MAP3K7: variants seen among roughly 807,000 people sequenced by gnomAD.
MAP3K7 encodes the protein TGF-beta activated kinase 1.
In MAP3K7, 21 loss-of-function variants were observed where a neutral mutation model predicts 84.8. The observed-to-expected ratio is 0.25, with a 90% CI of 0.18 to 0.36. MAP3K7 has a LOEUF of 0.36. MAP3K7 is among the 10% of genes least tolerant of loss of function. The probability of loss-of-function intolerance (pLI) is 1.00; values close to 1 mark genes in which losing one functional copy is unlikely to be tolerated. For synonymous variants in MAP3K7, 241 were observed against 247.7 expected, an observed-to-expected ratio of 0.97 and a Z score of 0.25; for missense variants, 503 against 747.7, an observed-to-expected ratio of 0.67 and a Z score of 3.82.
intron 12 of MAP3K7, among the ~76,000 whole-genome samples, chr6:90,540,409 A>C (rs1485536064): frequency 2.6e-5 from 4 of 151,914 alleles, no homozygotes; most frequent in Admixed American, 2.6e-4. Flanking sequence ...TGAACTAAGA[A>C]ATAAATTTAT....
At chr6:90,564,954 G>T (rs1419185292) in intron 3 of MAP3K7, among the ~76,000 whole-genome samples, 1 of 150,428 alleles carries the variant, frequency 6.6e-6, no homozygotes, top group Non-Finnish European at 1.5e-5. Context: ...CTGAACAATG[G>T]ACTACTGGGT....
intron 16 of MAP3K7, 107 bp from the exon 17 acceptor site, chr6:90,516,788 T>C: frequency 1.1e-6 from 1 of 905,580 alleles, no homozygotes; most frequent in Non-Finnish European, 1.7e-6. Context: ...GTTTATCATT[T>C]TGCATCTTAG....
chr6:90,556,495 T>G lies in MAP3K7; in HGVS notation c.607+5A>C. 1 of 1,610,240 alleles carries G rather than the reference T, an allele frequency of 6.2e-7. No homozygotes were observed. Among genetic ancestry groups the G allele is most frequent in the Non-Finnish European group, 8.5e-7 (1 of 1,178,834 alleles). On this transcript the variant is annotated splice_donor_5th_base_variant and intron_variant, in intron 6 of 16. Coordinates refer to ENST00000369329, the MANE Select transcript of MAP3K7 (RefSeq NM_145331.3). ...ATCAAACATACCATACTTTTGCCAT[T>G]TTACCTTCAAAAACTTCAGGTGCCA...
At chr6:90,517,935 T>C (rs1775020836) in intron 16 of MAP3K7, among the ~76,000 whole-genome samples, 1 of 151,764 alleles carries the variant, frequency 6.6e-6, no homozygotes, top group Non-Finnish European at 1.5e-5. Flanking sequence ...AAACTGAAGA[T>C]ACATACATAT....
chr6:90,552,166 T>C lies in MAP3K7; in HGVS notation c.750A>G (p.Pro250=). 1 of 1,609,908 alleles carries C rather than the reference T, an allele frequency of 6.2e-7. No individual in the cohort carries two copies. Among genetic ancestry groups the C allele is most frequent in the Non-Finnish European group, 8.5e-7 (1 of 1,176,764 alleles). The change falls in exon 8 of 17, where the codon CCA becomes CCG. Residue 250 remains proline, a synonymous_variant. Coordinates refer to ENST00000369329, the MANE Select transcript of MAP3K7 (RefSeq NM_145331.3). ...TGGGCTTAGGTAAATTTTTTATCAG[T>C]GGTGGTCGAGTACCTACAATTGAAA... ...MWAVHNGTRP[P]LIKNLPKPIE...
At position 90,516,497 on chromosome 6, in the gene MAP3K7, A is replaced by G. The variant is rs1447343177; in HGVS notation, c.*4T>C. ...ATATTTCAAAATGTAACGGTCCCAG[A>G]GAATCATGAAGTGCCTTGTCGTTTC... On this transcript the variant is annotated 3_prime_UTR_variant, in exon 17 of 17. Coordinates refer to ENST00000369329, the MANE Select transcript of MAP3K7 (RefSeq NM_145331.3). The G allele has an allele frequency of 1.9e-6, 3 of 1,608,080 alleles. No homozygotes were observed. Among genetic ancestry groups the G allele is most frequent in the Non-Finnish European group, 1.7e-6 (2 of 1,178,010 alleles).
intron 11 of MAP3K7, 32 bp downstream of exon 11, chr6:90,547,226 T>C (rs774373808): frequency 1.9e-6 from 3 of 1,611,804 alleles, no homozygotes; most frequent in Non-Finnish European, 2.5e-6. Context: ...TTATATACAT[T>C]TTCACTCTTC....
At chr6:90,518,652 TTTATAGCACTA>T in intron 15 of MAP3K7, 90 bp from the exon 16 acceptor site, 1 of 706,874 alleles carries the variant, frequency 1.4e-6, no homozygotes, top group Non-Finnish European at 2.5e-6. Context: ...GTGATATATT[TTTATAGCACTA>T]AAGCAATGAT....
chr6:90,516,932 A>G (rs1007423377), intron 16 of MAP3K7, among the ~76,000 whole-genome samples: 2 of 151,958 alleles, frequency 1.3e-5, no homozygotes, highest in Non-Finnish European at 2.9e-5. Flanking sequence ...ATGGTAAAAT[A>G]AAAGTTTCAG....
intron 14 of MAP3K7, among the ~76,000 whole-genome samples, chr6:90,522,336 C>T (rs910144720): frequency 1.3e-5 from 2 of 152,096 alleles, no homozygotes; most frequent in Admixed American, 1.3e-4. Context: ...CAATCTGCCA[C>T]ACTATTGACT....
chr6:90,547,189 A>T (rs1776028221), intron 11 of MAP3K7, 69 bp downstream of exon 11: 1 of 1,559,350 alleles, frequency 6.4e-7, no homozygotes, highest in East Asian at 2.3e-5. Flanking sequence ...AACCTTTGAC[A>T]ACTGAAACTA....
chr6:90,552,203 G>A lies in MAP3K7; in HGVS notation c.737-24C>T, dbSNP rs774863377. 1.1e-5 allele frequency: 17 copies of A among 1,577,514 alleles called. No individual in the cohort carries two copies. In the African/African-American group the frequency reaches 1.3e-4, roughly 12 times the overall value. Reference sequence around the variant, plus strand: ...ACCTACAATTGAAAATGAGAGGAAGGGGGGAAGAATGTATTTACCCAAAGA... The same window carrying A: ...ACCTACAATTGAAAATGAGAGGAAGAGGGGAAGAATGTATTTACCCAAAGA... On this transcript the variant is annotated intron_variant, in intron 7 of 16. Transcript: ENST00000369329.
chr6:90,566,225 A>G (rs1776699032), intron 3 of MAP3K7, among the ~76,000 whole-genome samples: 1 of 152,238 alleles, frequency 6.6e-6, no homozygotes, highest in Non-Finnish European at 1.5e-5. Flanking sequence ...GCAATCAGAC[A>G]GGAGAAAGAA....
chr6:90,527,760 T>C (rs1775369459), intron 13 of MAP3K7, among the ~76,000 whole-genome samples: 1 of 152,176 alleles, frequency 6.6e-6, no homozygotes, highest in Non-Finnish European at 1.5e-5. Flanking sequence ...AAGTGCTCAT[T>C]TTATTTTCAT....
intron 3 of MAP3K7, among the ~76,000 whole-genome samples, chr6:90,562,970 AG>A: frequency 6.6e-6 from 1 of 152,194 alleles, no homozygotes; most frequent in Non-Finnish European, 1.5e-5. Flanking sequence ...CACGGTCTGG[AG>A]TGGACCTCCA....
intron 11 of MAP3K7, 121 bp downstream of exon 11, chr6:90,547,137 A>G (rs954069961): frequency 1.9e-6 from 2 of 1,029,166 alleles, no homozygotes; most frequent in African/African-American, 1.7e-5. Context: ...TATATTGTAA[A>G]CCTACTTCCT....
intron 13 of MAP3K7, among the ~76,000 whole-genome samples, chr6:90,533,318 T>C (rs1389762758): frequency 1.3e-5 from 2 of 152,124 alleles, no homozygotes; most frequent in East Asian, 3.9e-4. Flanking sequence ...AACACACCAA[T>C]AGTGGAAAGA....
intron 14 of MAP3K7, among the ~76,000 whole-genome samples, chr6:90,523,385 A>G (rs961693928): frequency 1.3e-5 from 2 of 152,238 alleles, no homozygotes; most frequent in East Asian, 1.9e-4. Context: ...GGAAAATCAC[A>G]GGCTGAAGTA....
chr6:90,518,385 T>A (rs36005346), intron 16 of MAP3K7, 62 bp downstream of exon 16: 19,954 of 860,754 alleles, frequency 0.023, 284 homozygotes, highest in Non-Finnish European at 0.03. Context: ...CATTGCACCT[T>A]ATCATATTTT....
Sources: allele counts gnomAD v4.1 joint callset (sites outside exome capture counted in the v4.1 genomes callset), GRCh38; gene constraint gnomAD v4.1.1; transcripts MANE v1.5; gene names NCBI Gene and HGNC (gene_info 2026-07-23, HGNC 2026-07-21).